The following GLDN variants were observed in gnomAD, a reference collection of about 807,000 sequenced individuals.
GLDN encodes the protein gliomedin.
A neutral mutation model predicts 56.5 loss-of-function variants in GLDN; 47 were observed. That is an observed-to-expected ratio of 0.83 (90% confidence interval 0.66 to 1.06). The LOEUF is 1.06. Among genes scored for constraint, GLDN ranks in the 50% least tolerant of loss-of-function variants. The probability of loss-of-function intolerance (pLI) is 0.00; values close to 1 mark genes in which losing one functional copy is unlikely to be tolerated. For synonymous variants in GLDN, 332 were observed against 278.8 expected (o/e 1.19, Z -1.90); for missense variants, 782 against 714.3 (o/e 1.09, Z -1.08).
chr15:51,396,334 A>G (rs887614873), intron 5 of GLDN, among the ~76,000 whole-genome samples: 2 of 152,230 alleles, frequency 1.3e-5, no homozygotes, highest in Non-Finnish European at 2.9e-5. Context: ...CTAAGGATAC[A>G]CTTCAGTTAT....
At chr15:51,368,370 G>A (rs1306489897) in intron 1 of GLDN, among the ~76,000 whole-genome samples, 2 of 152,086 alleles carry the variant, frequency 1.3e-5, no homozygotes, top group African/African-American at 2.4e-5. Context: ...TAGGGACTGG[G>A]CTTTTTGGAA....
At chr15:51,412,690 T>C (rs2038479539), downstream of GLDN, among the ~76,000 whole-genome samples, 1 of 152,204 alleles carries the variant, frequency 6.6e-6, no homozygotes, top group African/African-American at 2.4e-5. Context: ...TTTGTGTTTT[T>C]TTTCTTTTTT....
chr15:51,386,559 G>A (rs987266557), intron 4 of GLDN, among the ~76,000 whole-genome samples: 11 of 152,204 alleles, frequency 7.2e-5, no homozygotes, highest in Admixed American at 3.9e-4. Flanking sequence ...CCAGAGGGCC[G>A]TCAAGTGGGA....
chr15:51,382,618 C>T (rs949647453), intron 2 of GLDN, among the ~76,000 whole-genome samples: 6 of 150,316 alleles, frequency 4.0e-5, no homozygotes, highest in East Asian at 2.0e-4. Context: ...CCCAGCTACT[C>T]GGGAGGCTGA....
At chr15:51,392,457 C>T (rs1285509590) in intron 4 of GLDN, among the ~76,000 whole-genome samples, 1 of 152,222 alleles carries the variant, frequency 6.6e-6, no homozygotes, top group African/African-American at 2.4e-5. Flanking sequence ...TGCATGAAAA[C>T]AAGCTCAGGG....
At chr15:51,354,453 G>A (rs2037136581) in intron 1 of GLDN, among the ~76,000 whole-genome samples, 1 of 152,200 alleles carries the variant, frequency 6.6e-6, no homozygotes, top group East Asian at 1.9e-4. Context: ...ATCCTTCACA[G>A]TGACTGTGTG....
At chr15:51,386,713 G>C (rs2037902547) in intron 4 of GLDN, among the ~76,000 whole-genome samples, 1 of 152,208 alleles carries the variant, frequency 6.6e-6, no homozygotes, top group African/African-American at 2.4e-5. Context: ...GGGGCGGAAA[G>C]ACCCACAGGG....
In GLDN at chr15:51,404,533, C is replaced by A. The variant is rs368085516; in HGVS notation, c.1435C>A (p.Arg479=). ...KSKAGNAFIA[R]GILYVTDTKD... ...CAAGGCTGGCAACGCCTTCATTGCCCGAGGAATCCTCTATGTCACAGACAC... is the reference window on the plus strand; with the variant it reads ...CAAGGCTGGCAACGCCTTCATTGCCAGAGGAATCCTCTATGTCACAGACAC... The change falls in exon 10 of 10, where the codon CGA becomes AGA. Residue 479 remains arginine, a synonymous_variant. Coordinates refer to ENST00000335449, the MANE Select transcript of GLDN (RefSeq NM_181789.4). 2.5e-6 allele frequency: 4 copies of A among 1,613,946 alleles called. No homozygotes were observed. The highest frequency in any genetic ancestry group is 3.4e-6 in the Non-Finnish European group (4 of 1,180,032).
chr15:51,399,907 C>T (rs959902766), intron 6 of GLDN, among the ~76,000 whole-genome samples: 3 of 152,324 alleles, frequency 2.0e-5, no homozygotes, highest in Admixed American at 1.3e-4. Context: ...CAGGCTGGCT[C>T]AGGCCACTTT....
intron 9 of GLDN, among the ~76,000 whole-genome samples, chr15:51,402,221 G>A (rs2038269834): frequency 6.6e-6 from 1 of 152,220 alleles, no homozygotes. Context: ...CATCCTGATG[G>A]AGTCCTCCCA....
At chr15:51,359,978 CA>C (rs58874237) in intron 1 of GLDN, among the ~76,000 whole-genome samples, 1,364 of 92,648 alleles carry the variant, frequency 0.015, 17 homozygotes, top group African/African-American at 0.039. Flanking sequence ...GACTCTGTCT[CA>C]AAAAAAAAAA....
intron 4 of GLDN, chr15:51,384,221 C>A: frequency 2.9e-6 from 1 of 341,448 alleles, no homozygotes; most frequent in Non-Finnish European, 5.4e-6. Flanking sequence ...GGTGCTGGTG[C>A]ATGCTCTTTC....
At position 51,352,168 on chromosome 15, in the gene GLDN, GT is replaced by G. The variant is rs537597690; in HGVS notation, c.363+10125del. On this transcript the variant is annotated intron_variant, in intron 1 of 9. Coordinates refer to ENST00000335449, the MANE Select transcript of GLDN (RefSeq NM_181789.4). ...AAGATTGGGTGTCTGGTGAGGGTCT[GT>G]TTTCTGGTTCATAGATGGCACCTTC... Among the ~76,000 whole-genome samples, 586 of 152,130 alleles carry G rather than the reference GT, an allele frequency of 3.9e-3. 6 individuals are homozygous for G. Among genetic ancestry groups the G allele is most frequent in the African/African-American group, 0.014 (567 of 41,526 alleles).
chr15:51,345,741 G>C (rs1329726676), intron 1 of GLDN, among the ~76,000 whole-genome samples: 1 of 152,152 alleles, frequency 6.6e-6, no homozygotes, highest in African/African-American at 2.4e-5. Flanking sequence ...ATTGTCCTAG[G>C]AGGACCAGCC....
rs549751078 is a variant in GLDN, at chr15:51,345,946, T to G, written c.363+3899T>G. On this transcript the variant is annotated intron_variant, in intron 1 of 9. Coordinates refer to ENST00000335449, the MANE Select transcript of GLDN (RefSeq NM_181789.4). ...TTCTTATACCCAAACAATCATCTGT[T>G]GAAAGATATAATGGAAGAAAAGATG... Among the ~76,000 whole-genome samples, 20 of 152,312 alleles carry G rather than the reference T, an allele frequency of 1.3e-4. No individual in the cohort carries two copies. In the East Asian group the frequency reaches 3.9e-3, roughly 29 times the overall value.
At chr15:51,366,253 T>A (rs988440032) in intron 1 of GLDN, among the ~76,000 whole-genome samples, 1 of 152,236 alleles carries the variant, frequency 6.6e-6, no homozygotes, top group African/African-American at 2.4e-5. Flanking sequence ...TTTCTGGTTC[T>A]GGAACTGGGT....
chr15:51,362,569 C>A (rs1224026494), intron 1 of GLDN, among the ~76,000 whole-genome samples: 2 of 151,086 alleles, frequency 1.3e-5, no homozygotes, highest in Non-Finnish European at 2.9e-5. Context: ...GAGACCAGTT[C>A]ATGTAGAGCC....
At chr15:51,357,837 T>A (rs2037215424) in intron 1 of GLDN, among the ~76,000 whole-genome samples, 1 of 152,126 alleles carries the variant, frequency 6.6e-6, no homozygotes, top group South Asian at 2.1e-4. Context: ...AAGAATCATC[T>A]TTGGGCTAGG....
chr15:51,413,334 C>CA, the GLDN span, among the ~76,000 whole-genome samples: 8,670 of 152,204 alleles, frequency 0.057, 505 homozygotes, highest in African/African-American at 0.15. Context: ...ACTATCTACA[C>CA]AAAAAACACC....
Sources: allele counts gnomAD v4.1 joint callset (sites outside exome capture counted in the v4.1 genomes callset), GRCh38; gene constraint gnomAD v4.1.1; transcripts MANE v1.5; gene names NCBI Gene and HGNC (gene_info 2026-07-23, HGNC 2026-07-21).